Variants in ZBTB20 observed in about 807,000 individuals in gnomAD.
The protein encoded by ZBTB20 is zinc finger and BTB domain-containing protein 20.
Under a neutral mutation model 56.9 loss-of-function variants are expected in ZBTB20, and 9 were observed. The observed-to-expected ratio is 0.16, with a 90% CI of 0.10 to 0.28. The LOEUF (loss-of-function observed/expected upper bound fraction) is 0.28, where lower values mean the gene tolerates loss of function less well. Ranked by LOEUF, ZBTB20 falls within the 10% of genes least tolerant of loss-of-function variation. The probability of loss-of-function intolerance (pLI) is 1.00; values close to 1 mark genes in which losing one functional copy is unlikely to be tolerated. For synonymous variants in ZBTB20, 417 were observed against 420.7 expected (o/e 0.99, Z 0.11); for missense variants, 655 against 1,003.0 (o/e 0.65, Z 4.69).
At chr3:114,908,992 T>A (rs543801109) in intron 3 of ZBTB20, among the ~76,000 whole-genome samples, 3 of 151,058 alleles carry the variant, frequency 2.0e-5, no homozygotes, top group South Asian at 2.1e-4. Flanking sequence ...TGAAAAAAAA[T>A]AAAGACAAAA....
intron 6 of ZBTB20, among the ~76,000 whole-genome samples, chr3:114,651,910 A>G (rs961853138): frequency 2.0e-5 from 3 of 152,076 alleles, no homozygotes; most frequent in Non-Finnish European, 4.4e-5. Flanking sequence ...GGCAGAAGAG[A>G]AAAGTTTTAA....
At chr3:115,097,242 G>A (rs938964634) in intron 1 of ZBTB20, among the ~76,000 whole-genome samples, 4 of 152,064 alleles carry the variant, frequency 2.6e-5, no homozygotes, top group Admixed American at 1.3e-4. Context: ...GCAGTGGCAC[G>A]ATCTCGGCTC....
At chr3:114,652,123 T>C (rs1196612322) in intron 6 of ZBTB20, among the ~76,000 whole-genome samples, 3 of 152,080 alleles carry the variant, frequency 2.0e-5, no homozygotes, top group Non-Finnish European at 4.4e-5. Context: ...TGTATAAATA[T>C]GTATATATAA....
chr3:114,927,969 T>A (rs1485244988), intron 3 of ZBTB20, among the ~76,000 whole-genome samples: 1 of 152,242 alleles, frequency 6.6e-6, no homozygotes, highest in Non-Finnish European at 1.5e-5. Flanking sequence ...GTAACACTAT[T>A]AGGTTATAGT....
At chr3:115,127,149 A>C (rs1355001039) in intron 1 of ZBTB20, among the ~76,000 whole-genome samples, 2 of 152,202 alleles carry the variant, frequency 1.3e-5, no homozygotes, top group Admixed American at 1.3e-4. Context: ...TATGTTATCT[A>C]TCTAGTCATT....
intron 7 of ZBTB20, among the ~76,000 whole-genome samples, chr3:114,390,587 C>T (rs2108629422): frequency 6.6e-6 from 1 of 152,308 alleles, no homozygotes; most frequent in Admixed American, 6.5e-5. Flanking sequence ...CCTCTAGATC[C>T]TCTCCTCAGG....
intron 6 of ZBTB20, among the ~76,000 whole-genome samples, chr3:114,664,828 G>A (rs1332525872): frequency 6.6e-6 from 1 of 152,064 alleles, no homozygotes; most frequent in Non-Finnish European, 1.5e-5. Context: ...TACAGAACAA[G>A]TTAGGATTCC....
intron 6 of ZBTB20, among the ~76,000 whole-genome samples, chr3:114,544,130 C>T (rs977765343): frequency 6.6e-6 from 1 of 152,158 alleles, no homozygotes; most frequent in African/African-American, 2.4e-5. Context: ...GTTAGACTTA[C>T]TGGATTTGGT....
intron 1 of ZBTB20, chr3:115,100,704 C>T (rs376403592): frequency 6.6e-6 from 1 of 152,142 alleles, no homozygotes; most frequent in Non-Finnish European, 1.5e-5. Flanking sequence ...TCTGGCAGTA[C>T]ATGTAATTAT....
chr3:115,120,245 T>C (rs2084144891), intron 1 of ZBTB20, among the ~76,000 whole-genome samples: 1 of 152,084 alleles, frequency 6.6e-6, no homozygotes, highest in African/African-American at 2.4e-5. Context: ...CTGGAAAACG[T>C]TACTAATGGT....
intron 4 of ZBTB20, among the ~76,000 whole-genome samples, chr3:114,855,382 A>G (rs1005143456): frequency 3.3e-5 from 5 of 152,234 alleles, no homozygotes; most frequent in African/African-American, 1.2e-4. Flanking sequence ...ATTAGCACAC[A>G]GTCTCTTATT....
At chr3:114,786,335 T>A (rs1169142024) in intron 5 of ZBTB20, among the ~76,000 whole-genome samples, 1 of 151,950 alleles carries the variant, frequency 6.6e-6, no homozygotes, top group Non-Finnish European at 1.5e-5. Flanking sequence ...ATGTTCCCCT[T>A]CCTGTGTCCA....
At chr3:114,599,568 T>A (rs1389440076) in intron 6 of ZBTB20, among the ~76,000 whole-genome samples, 1 of 152,096 alleles carries the variant, frequency 6.6e-6, no homozygotes, top group African/African-American at 2.4e-5. Context: ...TTCCTACCTT[T>A]GTTGTTGCTG....
At chr3:114,481,854 C>A (rs893035493) in intron 7 of ZBTB20, among the ~76,000 whole-genome samples, 4 of 152,260 alleles carry the variant, frequency 2.6e-5, no homozygotes, top group Admixed American at 6.5e-5. Flanking sequence ...GAGTAAACCA[C>A]AAAGGAAATG....
intron 5 of ZBTB20, among the ~76,000 whole-genome samples, chr3:114,744,226 C>A (rs1238436793): frequency 6.6e-6 from 1 of 152,180 alleles, no homozygotes; most frequent in Admixed American, 6.5e-5. Flanking sequence ...GAATCACAAG[C>A]TTTCCACAGT....
At chr3:114,993,220 A>G (rs1401472213) in intron 2 of ZBTB20, among the ~76,000 whole-genome samples, 1 of 151,984 alleles carries the variant, frequency 6.6e-6, no homozygotes, top group Non-Finnish European at 1.5e-5. Flanking sequence ...AACAAATGCC[A>G]CAAGAGAAAA....
chr3:114,571,845 T>C (rs1413917605), intron 6 of ZBTB20, among the ~76,000 whole-genome samples: 1 of 152,176 alleles, frequency 6.6e-6, no homozygotes, highest in African/African-American at 2.4e-5. Context: ...GTAATTCTTA[T>C]GCTACTTAAG....
rs191275538 is a variant in ZBTB20 at position 114,935,425 on chromosome 3, T to C, written c.-455-35083A>G. Among the ~76,000 whole-genome samples the C allele has an allele frequency of 3.5e-3, 536 of 152,320 alleles. 3 individuals are homozygous for C. Among genetic ancestry groups the C allele is most frequent in the African/African-American group, 0.012 (509 of 41,562 alleles). ...CAATTATTTTTTATTACCTGCCACC[T>C]TGAATCCAGAATATATGTTACATTA... On this transcript the variant is annotated intron_variant, in intron 3 of 11. Transcript: ENST00000675478.
intron 7 of ZBTB20, among the ~76,000 whole-genome samples, chr3:114,487,949 C>T (rs1343816344): frequency 2.0e-5 from 3 of 152,210 alleles, no homozygotes; most frequent in Non-Finnish European, 4.4e-5. Flanking sequence ...GCCCTGGAGA[C>T]ATGGATCAGG....
Sources: allele counts gnomAD v4.1 joint callset (sites outside exome capture counted in the v4.1 genomes callset), GRCh38; gene constraint gnomAD v4.1.1; transcripts MANE v1.5; gene names NCBI Gene and HGNC (gene_info 2026-07-23, HGNC 2026-07-21).